ARHGAP24: variants seen among roughly 807,000 people sequenced by gnomAD.
The protein encoded by ARHGAP24 is Rho GTPase activating protein 24, also known as rho GTPase-activating protein 24.
ARHGAP24 carries 50 observed loss-of-function variants against 76.4 expected under a neutral mutation model. The observed-to-expected ratio is 0.65, with a 90% CI of 0.52 to 0.83. The LOEUF (loss-of-function observed/expected upper bound fraction) is 0.83, where lower values mean the gene tolerates loss of function less well. Ranked by LOEUF, ARHGAP24 falls within the 40% of genes least tolerant of loss-of-function variation. ARHGAP24 has a pLI of 0.00. For synonymous variants in ARHGAP24, 345 were observed against 323.3 expected (o/e 1.07, Z -0.72); for missense variants, 930 against 914.2 (o/e 1.02, Z -0.22).
chr4:85,706,979 A>G (rs886963913), intron 2 of ARHGAP24, among the ~76,000 whole-genome samples: 4 of 152,082 alleles, frequency 2.6e-5, no homozygotes, highest in African/African-American at 9.7e-5. Flanking sequence ...CAGTCGTGCT[A>G]TCATAGCTCA....
chr4:85,728,088 C>T (rs1253724532), intron 3 of ARHGAP24, among the ~76,000 whole-genome samples: 1 of 151,932 alleles, frequency 6.6e-6, no homozygotes, highest in Non-Finnish European at 1.5e-5. Flanking sequence ...TACCCTCAGA[C>T]AATTACATGT....
intron 3 of ARHGAP24, among the ~76,000 whole-genome samples, chr4:85,817,549 T>C (rs1729294209): frequency 6.6e-6 from 1 of 152,210 alleles, no homozygotes; most frequent in African/African-American, 2.4e-5. Flanking sequence ...GAAGACATCA[T>C]ACAATTTGTG....
intron 5 of ARHGAP24, among the ~76,000 whole-genome samples, chr4:85,969,628 A>G (rs1252310050): frequency 6.6e-6 from 1 of 152,146 alleles, no homozygotes; most frequent in African/African-American, 2.4e-5. Flanking sequence ...TGCTATGCAT[A>G]TCCTTCCCCA....
intron 2 of ARHGAP24, among the ~76,000 whole-genome samples, chr4:85,629,968 A>G (rs915255062): frequency 3.3e-5 from 5 of 152,044 alleles, no homozygotes; most frequent in Non-Finnish European, 7.4e-5. Context: ...GGTTTCCATA[A>G]TGTGTATATT....
intron 3 of ARHGAP24, among the ~76,000 whole-genome samples, chr4:85,905,031 G>A (rs1272826831): frequency 2.6e-5 from 4 of 152,072 alleles, no homozygotes; most frequent in Non-Finnish European, 5.9e-5. Context: ...TTCAAGATTG[G>A]TTACTTGGTA....
intron 5 of ARHGAP24, among the ~76,000 whole-genome samples, chr4:85,945,987 G>C (rs1737243052): frequency 6.6e-6 from 1 of 152,066 alleles, no homozygotes; most frequent in South Asian, 2.1e-4. Context: ...CACGTGACTG[G>C]GGAGGCCTCA....
chr4:85,671,079 T>A (rs185158639), intron 2 of ARHGAP24, among the ~76,000 whole-genome samples: 13 of 152,298 alleles, frequency 8.5e-5, no homozygotes, highest in Non-Finnish European at 1.5e-4. Context: ...AACCCTACGT[T>A]ATTGGGCCCC....
At chr4:85,646,005 GT>G (rs1245651404) in intron 2 of ARHGAP24, among the ~76,000 whole-genome samples, 1 of 151,836 alleles carries the variant, frequency 6.6e-6, no homozygotes, top group Non-Finnish European at 1.5e-5. Context: ...GCCCTTAAGT[GT>G]GAAAAATGAC....
intron 4 of ARHGAP24, among the ~76,000 whole-genome samples, chr4:85,932,653 T>G (rs1426507513): frequency 6.6e-6 from 1 of 152,208 alleles, no homozygotes; most frequent in Non-Finnish European, 1.5e-5. Flanking sequence ...TTTTAAAGGC[T>G]GTCCTTTTCT....
chr4:85,773,155 T>C (rs1727191735), intron 3 of ARHGAP24, among the ~76,000 whole-genome samples: 1 of 152,224 alleles, frequency 6.6e-6, no homozygotes, highest in African/African-American at 2.4e-5. Flanking sequence ...AAAATATACT[T>C]TAGGGCCATC....
chr4:85,627,900 T>G (rs961090725), intron 2 of ARHGAP24, among the ~76,000 whole-genome samples: 1 of 152,124 alleles, frequency 6.6e-6, no homozygotes, highest in African/African-American at 2.4e-5. Context: ...AATCTCCTGG[T>G]GTGCCGTTTT....
chr4:85,756,765 G>A (rs1361359587), intron 3 of ARHGAP24, among the ~76,000 whole-genome samples: 2 of 152,120 alleles, frequency 1.3e-5, no homozygotes, highest in Admixed American at 1.3e-4. Context: ...TCCTGCAGTT[G>A]GGTGTGTTTT....
chr4:85,585,304 T>C (rs1011022566), intron 2 of ARHGAP24, among the ~76,000 whole-genome samples: 1 of 152,250 alleles, frequency 6.6e-6, no homozygotes, highest in Non-Finnish European at 1.5e-5. Context: ...TGTGACTAAA[T>C]TATGGTACAT....
chr4:85,499,460 C>G (rs748108019), intron 1 of ARHGAP24, among the ~76,000 whole-genome samples: 13 of 152,190 alleles, frequency 8.5e-5, no homozygotes, highest in Non-Finnish European at 1.3e-4. Flanking sequence ...AAGCCTTTAT[C>G]ACCACTTCGT....
intron 2 of ARHGAP24, among the ~76,000 whole-genome samples, chr4:85,584,898 A>G (rs1727783433): frequency 6.6e-6 from 1 of 152,138 alleles, no homozygotes; most frequent in African/African-American, 2.4e-5. Context: ...AATTATGTTA[A>G]TAACTCTTAA....
At chr4:85,693,892 C>T (rs1723769787) in intron 2 of ARHGAP24, among the ~76,000 whole-genome samples, 1 of 152,184 alleles carries the variant, frequency 6.6e-6, no homozygotes, top group Admixed American at 6.5e-5. Context: ...TCTCTGCCTA[C>T]TCTCCAGGCA....
At chr4:85,775,205 T>G (rs1193716252) in intron 3 of ARHGAP24, among the ~76,000 whole-genome samples, 1 of 105,664 alleles carries the variant, frequency 9.5e-6, no homozygotes, top group Non-Finnish European at 2.0e-5. Flanking sequence ...CGGGAAATCT[T>G]CTTTCTGAGG....
chr4:85,867,653 T>C (rs778850132), intron 3 of ARHGAP24, among the ~76,000 whole-genome samples: 1 of 151,758 alleles, frequency 6.6e-6, no homozygotes, highest in East Asian at 1.9e-4. Flanking sequence ...CCCAGAAATA[T>C]CAGCTCCCCT....
At chr4:85,693,407 A>G (rs977878534) in intron 2 of ARHGAP24, among the ~76,000 whole-genome samples, 2 of 152,168 alleles carry the variant, frequency 1.3e-5, no homozygotes, top group African/African-American at 2.4e-5. Flanking sequence ...CTCGCCTGCC[A>G]GCCCACAGAC....
Sources: gnomAD v4.1 joint callset for allele counts (sites outside exome capture counted in the v4.1 genomes callset) on GRCh38, gnomAD v4.1.1 for gene constraint, MANE v1.5 for transcripts, NCBI Gene and HGNC (gene_info 2026-07-23, HGNC 2026-07-21) for gene names.